Variants in ESRRG observed in about 807,000 individuals in gnomAD.
ESRRG encodes the protein estrogen-related receptor gamma.
Under a neutral mutation model 44.0 loss-of-function variants are expected in ESRRG, and 13 were observed. The observed-to-expected ratio is 0.30, with a 90% confidence interval of 0.19 to 0.47. The LOEUF (loss-of-function observed/expected upper bound fraction) is 0.47. Among genes scored for constraint, ESRRG ranks in the 20% least tolerant of loss-of-function variants. The probability of loss-of-function intolerance (pLI) is 1.00; values close to 1 mark genes in which losing one functional copy is unlikely to be tolerated. For missense variants in ESRRG, 395 were observed against 580.6 expected (o/e 0.68, Z 3.29); for synonymous variants, 215 against 214.6 (o/e 1.00, Z -0.02).
chr1:216,550,960 A>G (rs2056140831), intron 5 of ESRRG, among the ~76,000 whole-genome samples: 1 of 152,168 alleles, frequency 6.6e-6, no homozygotes, highest in Non-Finnish European at 1.5e-5. Context: ...TAATCAGAAC[A>G]TGGGAATAGA....
intron 1 of ESRRG, among the ~76,000 whole-genome samples, chr1:217,001,243 T>A (rs1294329998): frequency 6.6e-6 from 1 of 152,180 alleles, no homozygotes; most frequent in Admixed American, 6.5e-5. Flanking sequence ...TGTAAAGATA[T>A]AGGAATGGAC....
intron 1 of ESRRG, among the ~76,000 whole-genome samples, chr1:216,960,163 C>G (rs548756553): frequency 6.6e-6 from 1 of 152,002 alleles, no homozygotes; most frequent in Non-Finnish European, 1.5e-5. Context: ...CCTTCCAATG[C>G]TTTTATAACA....
At chr1:216,986,433 G>A (rs2074880705) in intron 1 of ESRRG, among the ~76,000 whole-genome samples, 1 of 152,080 alleles carries the variant, frequency 6.6e-6, no homozygotes, top group Admixed American at 6.6e-5. Context: ...GAAGGTTTGA[G>A]GCCGGCATGG....
chr1:216,891,117 G>A (rs2057734862), intron 2 of ESRRG, among the ~76,000 whole-genome samples: 2 of 152,152 alleles, frequency 1.3e-5, no homozygotes, highest in South Asian at 4.1e-4. Flanking sequence ...CATTTTTTAT[G>A]CCTATATGTA....
At chr1:217,100,125 G>T (rs555447384) in intron 1 of ESRRG, among the ~76,000 whole-genome samples, 1 of 152,282 alleles carries the variant, frequency 6.6e-6, no homozygotes, top group East Asian at 1.9e-4. Context: ...TTACTTTAGT[G>T]ATCCTGAGAT....
intron 2 of ESRRG, among the ~76,000 whole-genome samples, chr1:216,884,472 G>T (rs532587878): frequency 6.6e-6 from 1 of 152,102 alleles, no homozygotes; most frequent in Non-Finnish European, 1.5e-5. Flanking sequence ...GTCTATGTGT[G>T]CAGTGGCTGC....
At chr1:216,961,933 T>C (rs2069187660) in intron 1 of ESRRG, among the ~76,000 whole-genome samples, 1 of 152,156 alleles carries the variant, frequency 6.6e-6, no homozygotes, top group African/African-American at 2.4e-5. Context: ...GATTATTCAC[T>C]TTAAAGGAAT....
At chr1:216,598,716 T>A (rs186952677) in intron 3 of ESRRG, among the ~76,000 whole-genome samples, 1 of 151,754 alleles carries the variant, frequency 6.6e-6, no homozygotes, top group Admixed American at 6.6e-5. Flanking sequence ...TAAAACTTGA[T>A]CCAGGTTTGG....
chr1:216,627,805 C>A (rs1318227392), intron 3 of ESRRG, among the ~76,000 whole-genome samples: 1 of 112,826 alleles, frequency 8.9e-6, no homozygotes, highest in African/African-American at 3.4e-5. Context: ...CTCCAGGGAC[C>A]ATTAAGAAGT....
chr1:216,743,335 A>G (rs904999836), intron 2 of ESRRG, among the ~76,000 whole-genome samples: 1 of 152,172 alleles, frequency 6.6e-6, no homozygotes, highest in Non-Finnish European at 1.5e-5. Flanking sequence ...AAATAAAACA[A>G]TACACCCTCC....
intron 5 of ESRRG, among the ~76,000 whole-genome samples, chr1:216,529,822 A>T (rs1213929924): frequency 6.6e-6 from 1 of 152,066 alleles, no homozygotes; most frequent in Non-Finnish European, 1.5e-5. Context: ...ATAATTAGTG[A>T]CTTAGCTTGC....
At chr1:216,859,514 A>G (rs1276572708) in intron 2 of ESRRG, among the ~76,000 whole-genome samples, 2 of 152,240 alleles carry the variant, frequency 1.3e-5, no homozygotes, top group African/African-American at 4.8e-5. Flanking sequence ...GCATGCATGC[A>G]AGGAAACTAT....
At chr1:217,136,794 G>A (rs557935697) in intron 1 of ESRRG, among the ~76,000 whole-genome samples, 2 of 152,230 alleles carry the variant, frequency 1.3e-5, no homozygotes, top group South Asian at 4.1e-4. Context: ...ACAGACACTC[G>A]CTCCATACAC....
chr1:216,983,671 T>C (rs2074369483), intron 1 of ESRRG, among the ~76,000 whole-genome samples: 1 of 125,926 alleles, frequency 7.9e-6, no homozygotes, highest in Admixed American at 9.3e-5. Flanking sequence ...AATAATCCCT[T>C]TCGCGTGCAT....
At chr1:216,529,333 G>C (rs2048597563) in intron 5 of ESRRG, among the ~76,000 whole-genome samples, 1 of 152,136 alleles carries the variant, frequency 6.6e-6, no homozygotes, top group East Asian at 1.9e-4. Flanking sequence ...GGCTGGCTGA[G>C]AGTTTGGATT....
At chr1:217,122,274 G>A (rs1264596528) in intron 1 of ESRRG, among the ~76,000 whole-genome samples, 1 of 152,080 alleles carries the variant, frequency 6.6e-6, no homozygotes, top group African/African-American at 2.4e-5. Flanking sequence ...GGCTGACAAG[G>A]GAGCACTAAT....
intron 2 of ESRRG, among the ~76,000 whole-genome samples, chr1:216,910,134 TG>T (rs1440711670): frequency 6.6e-6 from 1 of 151,966 alleles, no homozygotes; most frequent in East Asian, 1.9e-4. Context: ...AGAAAAAAAT[TG>T]TCAAGTAATA....
chr1:216,752,958 AT>A (rs111390608), intron 2 of ESRRG, among the ~76,000 whole-genome samples: 5,417 of 151,974 alleles, frequency 0.036, 148 homozygotes, highest in Middle Eastern at 0.054. Context: ...CCTTCTCACT[AT>A]TTTTTTTCAA....
chr1:216,556,614 T>C (rs924032123), intron 5 of ESRRG, among the ~76,000 whole-genome samples: 8 of 152,154 alleles, frequency 5.3e-5, no homozygotes, highest in African/African-American at 1.9e-4. Flanking sequence ...TTGTTTTCCT[T>C]AGCATAAAAT....
Sources: allele counts gnomAD v4.1 joint callset (sites outside exome capture counted in the v4.1 genomes callset), GRCh38; gene constraint gnomAD v4.1.1; transcripts MANE v1.5; gene names NCBI Gene and HGNC (gene_info 2026-07-23, HGNC 2026-07-21).